Variants in NCOA1 observed in about 807,000 individuals in gnomAD.
NCOA1 encodes the protein Hin-2 protein.
A neutral mutation model predicts 150.9 loss-of-function variants in NCOA1; 35 were observed. That is an observed-to-expected ratio of 0.23 (90% CI 0.18 to 0.31). The LOEUF (loss-of-function observed/expected upper bound fraction) is 0.31. Among genes scored for constraint, NCOA1 ranks in the 10% least tolerant of loss-of-function variants. The probability of loss-of-function intolerance (pLI) is 1.00; values close to 1 mark genes in which losing one functional copy is unlikely to be tolerated. For missense variants in NCOA1, 1,491 were observed against 1,749.3 expected (o/e 0.85, Z 2.63); for synonymous variants, 590 against 630.0 (o/e 0.94, Z 0.95).
At chr2:24,505,267 A>G (rs1172397996) in intron 1 of NCOA1, among the ~76,000 whole-genome samples, 3 of 150,724 alleles carry the variant, frequency 2.0e-5, no homozygotes, top group Middle Eastern at 3.4e-3. Context: ...GCTCACCGCA[A>G]CCTCCGCCTC....
intron 1 of NCOA1, among the ~76,000 whole-genome samples, chr2:24,543,557 T>A (rs560714840): frequency 6.6e-6 from 1 of 152,062 alleles, no homozygotes; most frequent in Non-Finnish European, 1.5e-5. Context: ...GATACTACAA[T>A]GTAGTGTGAT....
intron 1 of NCOA1, among the ~76,000 whole-genome samples, chr2:24,506,174 T>C (rs1432375742): frequency 1.3e-5 from 2 of 152,058 alleles, no homozygotes; most frequent in Non-Finnish European, 2.9e-5. Flanking sequence ...CAGACCCCTG[T>C]TGGCATCATC....
At chr2:24,649,465 G>A (rs1328952773) in intron 4 of NCOA1, among the ~76,000 whole-genome samples, 1 of 152,196 alleles carries the variant, frequency 6.6e-6, no homozygotes, top group Non-Finnish European at 1.5e-5. Context: ...GACATGTGCA[G>A]TATACCTGCA....
In NCOA1 at chr2:24,752,175, T is replaced by C. The variant is rs780038991; in HGVS notation, c.3881+19T>C. 7 of 1,610,200 alleles carry C rather than the reference T, an allele frequency of 4.3e-6. No homozygotes were observed. In the South Asian group the frequency reaches 5.5e-5, roughly 13 times the overall value. The stretch of plus-strand genomic sequence containing the variant: ...ACAACAAGTAAGGGGGCAGTTTTTA[T>C]ATATGAGCATCCTTGATACTGTGAT... On this transcript the variant is annotated intron_variant, in intron 20 of 22. Transcript: ENST00000348332.
chr2:24,535,453 A>T (rs1665090621), intron 1 of NCOA1, among the ~76,000 whole-genome samples: 1 of 152,084 alleles, frequency 6.6e-6, no homozygotes, highest in Non-Finnish European at 1.5e-5. Flanking sequence ...ATTTGCATTT[A>T]AGGTTAATAT....
intron 14 of NCOA1, among the ~76,000 whole-genome samples, chr2:24,713,405 C>G (rs1334531295): frequency 6.6e-6 from 1 of 151,820 alleles, no homozygotes; most frequent in African/African-American, 2.4e-5. Flanking sequence ...GTACTTGTAC[C>G]AAAGCTTGTC....
At chr2:24,732,510 G>A (rs1663069408) in intron 17 of NCOA1, among the ~76,000 whole-genome samples, 1 of 152,156 alleles carries the variant, frequency 6.6e-6, no homozygotes, top group African/African-American at 2.4e-5. Context: ...CACTTGCACT[G>A]CAAGTACTAG....
intron 3 of NCOA1, among the ~76,000 whole-genome samples, chr2:24,635,156 C>T (rs1284128003): frequency 6.6e-6 from 1 of 152,100 alleles, no homozygotes; most frequent in Admixed American, 6.6e-5. Flanking sequence ...TGATCTGCAT[C>T]ATTCTTCCCC....
intron 11 of NCOA1, among the ~76,000 whole-genome samples, chr2:24,703,331 C>T (rs55671631): frequency 1.3e-5 from 2 of 152,158 alleles, no homozygotes; most frequent in Non-Finnish European, 2.9e-5. Context: ...ACTGGAGAGT[C>T]TTACTGAGTT....
chr2:24,721,083 T>C (rs1177646230), intron 14 of NCOA1, among the ~76,000 whole-genome samples: 1 of 152,190 alleles, frequency 6.6e-6, no homozygotes, highest in Non-Finnish European at 1.5e-5. Context: ...CACTGTATTC[T>C]GAGAGAATCT....
intron 19 of NCOA1, among the ~76,000 whole-genome samples, chr2:24,749,353 C>T (rs1234917099): frequency 1.3e-5 from 2 of 152,186 alleles, no homozygotes; most frequent in African/African-American, 4.8e-5. Context: ...GAGGATAGCA[C>T]TACACAGAGA....
Position 24,608,246 on chromosome 2 carries a change from CTATTATTATTATTATTATTAT to C in NCOA1, c.-175+23718_-175+23738del, listed in dbSNP as rs202179395. ...CCCATATACTCCTCACCCAGTTCCC[CTATTATTATTATTATTATTAT>C]TATTATTATTATTATTATTATTATT... On this transcript the variant is annotated intron_variant, in intron 3 of 22. Coordinates refer to ENST00000348332, the MANE Select transcript of NCOA1 (RefSeq NM_003743.5). 1.6e-3 allele frequency among the ~76,000 whole-genome samples: 210 copies of C among 131,862 alleles called. 1 individual carries two copies. The highest frequency in any genetic ancestry group is 5.6e-3 in the African/African-American group (199 of 35,580). 86.5% of individuals were successfully genotyped at this position (131,862 alleles called of 152,430 possible). A position where few individuals can be genotyped will look rare whatever the true frequency, so the allele number is the denominator to read the frequency against.
At chr2:24,491,896 G>C (rs1351947994) in intron 1 of NCOA1, 1 of 151,822 alleles carries the variant, frequency 6.6e-6, no homozygotes. Context: ...AGTTAGCGCG[G>C]AGAGGGCGAG....
chr2:24,758,169 C>T lies in NCOA1; in HGVS notation c.4065+13C>T. 6.2e-7 allele frequency: 1 copy of T among 1,600,710 alleles called. No homozygotes were observed. Among genetic ancestry groups the T allele is most frequent in the Non-Finnish European group, 8.5e-7 (1 of 1,170,220 alleles). On this transcript the variant is annotated intron_variant, in intron 21 of 22. Transcript: ENST00000348332. ...GTGCCCTGAGCAGGTAAGTGGCACA[C>T]TCGCCACACACATGCCACACCACAT...
intron 20 of NCOA1, among the ~76,000 whole-genome samples, chr2:24,754,957 TACC>T: frequency 6.6e-6 from 1 of 152,342 alleles, no homozygotes; most frequent in East Asian, 1.9e-4. Context: ...AGAAAACAGT[TACC>T]ACCAACTCTT....
At chr2:24,615,148 G>A (rs914137357) in intron 3 of NCOA1, among the ~76,000 whole-genome samples, 1 of 152,162 alleles carries the variant, frequency 6.6e-6, no homozygotes, top group African/African-American at 2.4e-5. Flanking sequence ...GATTCCCAAA[G>A]GGTTTGTGAC....
intron 12 of NCOA1, among the ~76,000 whole-genome samples, chr2:24,705,582 T>C (rs1008091888): frequency 4.6e-5 from 7 of 152,024 alleles, no homozygotes; most frequent in Admixed American, 1.3e-4. Flanking sequence ...GAAAGTGCTC[T>C]ATTTTCATTA....
rs1491496599 is a variant in NCOA1 at position 24,729,498 on chromosome 2, CAG to C, written c.2887-2_2887-1del. The C allele has an allele frequency of 3.7e-6, 6 of 1,608,412 alleles. No homozygotes were observed. Among genetic ancestry groups the C allele is most frequent in the Non-Finnish European group, 5.1e-6 (6 of 1,175,728 alleles). On this transcript the variant is annotated splice_acceptor_variant, in intron 16 of 22. Transcript: ENST00000348332. LOFTEE classifies it high-confidence loss of function. ...TAAAATATTCTGGCTTCTTTTCTAA[CAG>C]GGGGGTGGATTAGATGTATTATCAG...
At chr2:24,633,333 A>G (rs1669790155) in intron 3 of NCOA1, among the ~76,000 whole-genome samples, 1 of 152,282 alleles carries the variant, frequency 6.6e-6, no homozygotes, top group East Asian at 1.9e-4. Flanking sequence ...AGTTGAGGAA[A>G]ACTTTCTAGA....
Sources: allele counts gnomAD v4.1 joint callset (sites outside exome capture counted in the v4.1 genomes callset), GRCh38; gene constraint gnomAD v4.1.1; transcripts MANE v1.5; gene names NCBI Gene and HGNC (gene_info 2026-07-23, HGNC 2026-07-21).